The following CFAP20DC variants were observed in gnomAD, a reference collection of about 807,000 sequenced individuals.
CFAP20DC encodes protein CFAP20DC.
Under a neutral mutation model 101.7 loss-of-function variants are expected in CFAP20DC, and 84 were observed. That is an observed-to-expected ratio of 0.83 (90% CI 0.69 to 0.99). The LOEUF (loss-of-function observed/expected upper bound fraction) is 0.99. CFAP20DC is among the 50% of genes least tolerant of loss of function. The pLI is 0.00. For synonymous variants in CFAP20DC, 359 were observed against 351.2 expected (o/e 1.02, Z -0.25); for missense variants, 1,007 against 970.3 (o/e 1.04, Z -0.50).
intron 13 of CFAP20DC, among the ~76,000 whole-genome samples, chr3:58,842,576 C>T (rs952590319): frequency 6.6e-6 from 1 of 152,060 alleles, no homozygotes; most frequent in Non-Finnish European, 1.5e-5. Flanking sequence ...AAGGCGGCAG[C>T]GAGCTGGGGG....
At chr3:58,857,571 A>C (rs2078937024) in intron 12 of CFAP20DC, among the ~76,000 whole-genome samples, 1 of 152,166 alleles carries the variant, frequency 6.6e-6, no homozygotes, top group Non-Finnish European at 1.5e-5. Context: ...ATGCTATTTT[A>C]AATATATGGA....
chr3:58,734,166 T>C (rs1334791629), intron 3 of CFAP20DC, among the ~76,000 whole-genome samples: 1 of 152,198 alleles, frequency 6.6e-6, no homozygotes. Context: ...TGGTGAGACA[T>C]GGTGGCTTCC....
At position 58,959,729 on chromosome 3, in the gene CFAP20DC, A is replaced by G. The variant is rs78549024; in HGVS notation, c.279-21967T>C. ...GCCACCTTTGTTGTTCTTTTATAAA[A>G]TTATTTTACCTTTGAATTCCATATA... is the stretch of plus-strand genomic sequence containing the variant. On this transcript the variant is annotated intron_variant, in intron 4 of 16. Transcript: ENST00000482387. Among the ~76,000 whole-genome samples the G allele has an allele frequency of 4.2e-3, 645 of 152,274 alleles. 3 individuals are homozygous for G. The highest frequency in any genetic ancestry group is 0.015 in the African/African-American group (621 of 41,554).
rs149349910 is a variant in CFAP20DC, at chr3:59,028,165, A to C, written c.278+11392T>G. Among the ~76,000 whole-genome samples the C allele has an allele frequency of 5.3e-5, 8 of 152,320 alleles. No homozygotes were observed. The East Asian group carries it at 1.5e-3, about 29-fold the overall frequency. On this transcript the variant is annotated intron_variant, in intron 4 of 16. Coordinates refer to ENST00000482387, the MANE Select transcript of CFAP20DC (RefSeq NM_001394063.1). ...TTGCTGGTCAGGTCATGAAGTTCTG[A>C]AACAACCTTATCCACAGGCATATGA...
At position 58,812,729 on chromosome 3, in the gene CFAP20DC, G is replaced by C. The variant is rs1458455696; in HGVS notation, c.2176-6273C>G. Among the ~76,000 whole-genome samples the C allele has an allele frequency of 1.3e-5, 2 of 151,650 alleles. 1 individual carries two copies. Among genetic ancestry groups the C allele is most frequent in the African/African-American group, 4.9e-5 (2 of 41,108 alleles). ...ATAATAGTAAAATAAAATAAAAAAAGAAAAGAAGGGTATGGGTTTATTTTA... is the reference window on the plus strand; with the variant it reads ...ATAATAGTAAAATAAAATAAAAAAACAAAAGAAGGGTATGGGTTTATTTTA... On this transcript the variant is annotated intron_variant, in intron 14 of 16. Transcript: ENST00000482387.
Position 58,831,784 on chromosome 3 carries a change from T to G in CFAP20DC, c.2077A>C (p.Thr693Pro). 6.2e-7 allele frequency: 1 copy of G among 1,613,890 alleles called. No individual in the cohort carries two copies. Among genetic ancestry groups the G allele is most frequent in the South Asian group, 1.1e-5 (1 of 91,076 alleles). ...QQNEELEDAGTSHGLSASQVD... is the reference protein window; with the variant it reads ...QQNEELEDAGPSHGLSASQVD... ...TGGGAGGCACTCAGGCCATGGGAGG[T>G]CCCAGCATCCTCCAGTTCTTCATTT... Residue 693 changes from threonine (T) to proline (P), a missense_variant, in exon 14 of 17, where the codon ACC becomes CCC. Physicochemically the swap from Thr to Pro is conservative, Grantham distance 38. Coordinates refer to ENST00000482387, the MANE Select transcript of CFAP20DC (RefSeq NM_001394063.1).
In CFAP20DC at chr3:58,914,975, G is replaced by C. The variant is rs1406095270; in HGVS notation, c.394-1111C>G. The stretch of plus-strand genomic sequence containing the variant: ...AATAGTGTGATTGGCTTGACTGGCA[G>C]AATGGTGAACACTGGAGCGGAATGA... On this transcript the variant is annotated intron_variant, in intron 5 of 16. Coordinates refer to ENST00000482387, the MANE Select transcript of CFAP20DC (RefSeq NM_001394063.1). This position sits in a 1 kb window ranked among gnomAD's most constrained non-coding sequence, Gnocchi z 4.9. 2.0e-5 allele frequency: 3 copies of C among 152,174 alleles called. No individual in the cohort carries two copies. The highest frequency in any genetic ancestry group is 4.4e-5 in the Non-Finnish European group (3 of 68,052). The allele number at this position is 152,174 out of a possible 1,614,324, so 9.4% of individuals were successfully genotyped here.
intron 4 of CFAP20DC, among the ~76,000 whole-genome samples, chr3:58,974,476 T>A (rs937471633): frequency 2.0e-5 from 3 of 152,138 alleles, no homozygotes; most frequent in African/African-American, 7.2e-5. Flanking sequence ...CCATGGTATA[T>A]ATGTTATATG....
chr3:58,831,311 C>T (rs1014425641), intron 14 of CFAP20DC, among the ~76,000 whole-genome samples: 1 of 152,166 alleles, frequency 6.6e-6, no homozygotes, highest in African/African-American at 2.4e-5. Flanking sequence ...TAGTCTTTTC[C>T]TCTGTGTTCA....
intron 7 of CFAP20DC, among the ~76,000 whole-genome samples, chr3:58,878,510 CT>C (rs1048175741): frequency 2.0e-5 from 3 of 151,766 alleles, no homozygotes; most frequent in Admixed American, 6.6e-5. Context: ...AGCAAAGAAA[CT>C]TTTTTTTAGG....
chr3:58,786,277 A>C (rs2072329807), intron 15 of CFAP20DC, among the ~76,000 whole-genome samples: 1 of 152,096 alleles, frequency 6.6e-6, no homozygotes, highest in Non-Finnish European at 1.5e-5. Flanking sequence ...ATCCCACTTT[A>C]TATTTGTGTT....
In CFAP20DC at chr3:58,722,415, GC is replaced by G. The variant is rs1306525209; in HGVS notation, c.198-4788del. Reference sequence around the variant, plus strand: ...GGTAACTGGGACGCATGTTAAAGGAGCCATGATAGGCAATTTTGCCCAGAGC... The same window carrying G: ...GGTAACTGGGACGCATGTTAAAGGAGCATGATAGGCAATTTTGCCCAGAGC... On this transcript the variant is annotated intron_variant, in intron 3 of 3. Coordinates refer to the CFAP20DC transcript ENST00000486145. The surrounding 1 kb of genome is among the most constrained non-coding windows in gnomAD (Gnocchi z 4.5). Among the ~76,000 whole-genome samples, 1 of 152,196 alleles carries G rather than the reference GC, an allele frequency of 6.6e-6. No individual in the cohort carries two copies. Among genetic ancestry groups the G allele is most frequent in the African/African-American group, 2.4e-5 (1 of 41,448 alleles).
intron 15 of CFAP20DC, among the ~76,000 whole-genome samples, chr3:58,784,550 C>G (rs1395796200): frequency 1.3e-5 from 2 of 152,058 alleles, no homozygotes; most frequent in East Asian, 3.9e-4. Flanking sequence ...AGATAATATT[C>G]TTTATTCAGT....
intron 4 of CFAP20DC, among the ~76,000 whole-genome samples, chr3:58,995,221 T>A (rs1293252399): frequency 1.3e-5 from 2 of 152,096 alleles, no homozygotes; most frequent in Non-Finnish European, 2.9e-5. Flanking sequence ...CTCTGCCCCA[T>A]CACTCTATAG....
At chr3:58,814,369 A>G (rs540132047) in intron 14 of CFAP20DC, among the ~76,000 whole-genome samples, 1 of 151,826 alleles carries the variant, frequency 6.6e-6, no homozygotes, top group Admixed American at 6.6e-5. Flanking sequence ...AAATAATAAG[A>G]GCTATCTATG....
chr3:58,909,966 T>C (rs2083981828), intron 6 of CFAP20DC, among the ~76,000 whole-genome samples: 1 of 152,148 alleles, frequency 6.6e-6, no homozygotes, highest in South Asian at 2.1e-4. Context: ...CTCCCACTTA[T>C]GAGTGAGAAC....
chr3:58,817,806 C>G (rs1035663129), intron 14 of CFAP20DC, among the ~76,000 whole-genome samples: 8 of 152,044 alleles, frequency 5.3e-5, no homozygotes, highest in African/African-American at 1.9e-4. Context: ...AAAGATACTC[C>G]TCAAGAAGAG....
intron 15 of CFAP20DC, among the ~76,000 whole-genome samples, chr3:58,804,364 CTTT>C (rs375391531): frequency 5.8e-5 from 8 of 138,302 alleles, no homozygotes; most frequent in Admixed American, 1.4e-4. Context: ...CAAATTAGTT[CTTT>C]TTTTTTTTTT....
At chr3:58,931,086 T>G (rs548194103) in intron 5 of CFAP20DC, among the ~76,000 whole-genome samples, 3 of 152,168 alleles carry the variant, frequency 2.0e-5, no homozygotes, top group Admixed American at 2.0e-4. Context: ...GCTTTTCCGA[T>G]GGGGCTTAAA....
Sources: allele counts gnomAD v4.1 joint callset (sites outside exome capture counted in the v4.1 genomes callset), GRCh38; gene constraint gnomAD v4.1.1; non-coding constraint Gnocchi (gnomAD v3.1); transcripts MANE v1.5; gene names NCBI Gene and HGNC (gene_info 2026-07-23, HGNC 2026-07-21).